RTN3: variants seen among roughly 807,000 people sequenced by gnomAD.
RTN3 encodes reticulon 3, also known as reticulon-3.
A neutral mutation model predicts 77.8 loss-of-function variants in RTN3; 49 were observed. The observed-to-expected ratio is 0.63, with a 90% confidence interval of 0.50 to 0.80. The LOEUF is 0.80. Among genes scored for constraint, RTN3 ranks in the 30% least tolerant of loss-of-function variants. The probability of loss-of-function intolerance (pLI) is 0.00; values close to 1 mark genes in which losing one functional copy is unlikely to be tolerated. For synonymous variants in RTN3, 464 were observed against 446.9 expected (o/e 1.04, Z -0.48); for missense variants, 1,236 against 1,211.9 (o/e 1.02, Z -0.29).
chr11:63,738,179 CTG>C (rs1188197374), intron 3 of RTN3, among the ~76,000 whole-genome samples: 1 of 152,152 alleles, frequency 6.6e-6, no homozygotes, highest in Non-Finnish European at 1.5e-5. Context: ...AAAAGCTTAA[CTG>C]TTTCCCCTTT....
chr11:63,726,555 CA>C (rs948545643), intron 3 of RTN3, among the ~76,000 whole-genome samples: 2 of 152,166 alleles, frequency 1.3e-5, no homozygotes, highest in African/African-American at 4.8e-5. Context: ...ATAAGCAGCA[CA>C]ACTAGAGATG....
upstream of RTN3, chr11:63,681,451 C>T (rs1034125960): frequency 5.7e-6 from 3 of 527,686 alleles, no homozygotes; most frequent in Middle Eastern, 5.3e-4. Flanking sequence ...CCTTTGTGCG[C>T]ATGCGCGCTC....
intron 1 of RTN3, among the ~76,000 whole-genome samples, chr11:63,692,359 C>G (rs886889364): frequency 6.6e-6 from 1 of 151,982 alleles, no homozygotes; most frequent in Admixed American, 6.6e-5. Context: ...CCCTCTACCT[C>G]GGGGTTTTAT....
intron 2 of RTN3, among the ~76,000 whole-genome samples, chr11:63,718,265 A>C (rs542124): frequency 1.3e-5 from 2 of 152,188 alleles, no homozygotes; most frequent in Admixed American, 1.3e-4. Flanking sequence ...TGTGCTCTGA[A>C]TTGTTCAGCT....
intron 6 of RTN3, 149 bp downstream of exon 6, chr11:63,753,287 G>GT: frequency 1.4e-6 from 1 of 703,020 alleles, no homozygotes; most frequent in Non-Finnish European, 2.4e-6. Flanking sequence ...AGGAACCGGA[G>GT]TTTGTGGTCA....
At chr11:63,718,598 A>T (rs1322192794) in intron 2 of RTN3, 104 bp from the exon 3 acceptor site, 5 of 703,762 alleles carry the variant, frequency 7.1e-6, no homozygotes, top group Non-Finnish European at 1.1e-5. Flanking sequence ...GTGTATATAT[A>T]TATTTATGTA....
Position 63,758,446 on chromosome 11 carries a change from T to G in RTN3, c.*245T>G. On this transcript the variant is annotated 3_prime_UTR_variant, in exon 9 of 9. Coordinates refer to ENST00000377819, the MANE Select transcript of RTN3 (RefSeq NM_001265589.2). ...GAAAGAATCAAATTCATAGGATAAG[T>G]CAATACCTTAATGGTGGTAGAGCCT... is the stretch of plus-strand genomic sequence containing the variant. 1 of 1,066,848 alleles carries G rather than the reference T, an allele frequency of 9.4e-7. No individual in the cohort carries two copies. The highest frequency in any genetic ancestry group is 1.3e-6 in the Non-Finnish European group (1 of 746,828). The allele number at this position is 1,066,848 out of a possible 1,614,324, so 66.1% of individuals were successfully genotyped here. A position where few individuals can be genotyped will look rare whatever the true frequency, so the allele number is the denominator to read the frequency against.
intron 7 of RTN3, among the ~76,000 whole-genome samples, chr11:63,754,517 G>A (rs1384872163): frequency 3.3e-5 from 5 of 152,052 alleles, no homozygotes; most frequent in Non-Finnish European, 5.9e-5. Context: ...TGGCTAACAC[G>A]GTGAAACCCC....
chr11:63,740,728 T>A (rs2013417790), intron 3 of RTN3, among the ~76,000 whole-genome samples: 1 of 152,066 alleles, frequency 6.6e-6, no homozygotes, highest in Non-Finnish European at 1.5e-5. Context: ...CACCTTTAAT[T>A]TCTTTGTATC....
In RTN3 at chr11:63,696,946, G is replaced by A. The variant is rs570766933; in HGVS notation, c.143-7905G>A. 4.7e-3 allele frequency among the ~76,000 whole-genome samples: 645 copies of A among 136,620 alleles called. 6 individuals carry two copies. Among genetic ancestry groups the A allele is most frequent in the African/African-American group, 0.016 (592 of 36,182 alleles). The allele number at this position is 136,620 out of a possible 152,430, so 89.6% of individuals were successfully genotyped here. A position where few individuals can be genotyped will look rare whatever the true frequency, so the allele number is the denominator to read the frequency against. On this transcript the variant is annotated intron_variant, in intron 1 of 8. Transcript: ENST00000377819. ...GTCGCCCAGGCTGGAGTGCAGTGGC[G>A]TGATCTTGGCTCACGGCAAACTCCG... is the stretch of plus-strand genomic sequence containing the variant.
intron 3 of RTN3, 54 bp downstream of exon 3, chr11:63,721,086 A>G (rs2011756576): frequency 2.1e-6 from 3 of 1,456,640 alleles, no homozygotes; most frequent in South Asian, 2.8e-5. Context: ...TTGATTACTT[A>G]TCAGCGTGCC....
chr11:63,706,979 C>A (rs934828915), intron 2 of RTN3, among the ~76,000 whole-genome samples: 3 of 151,476 alleles, frequency 2.0e-5, no homozygotes, highest in Non-Finnish European at 4.4e-5. Context: ...TCAGTGCAAC[C>A]TCCACCCAAG....
chr11:63,706,878 C>T (rs1457134865), intron 2 of RTN3, among the ~76,000 whole-genome samples: 2 of 150,540 alleles, frequency 1.3e-5, no homozygotes, highest in Non-Finnish European at 3.0e-5. Context: ...CCTTAAGTCA[C>T]TATTTTTTTT....
chr11:63,736,240 C>T (rs988582890), intron 3 of RTN3, among the ~76,000 whole-genome samples: 11 of 152,254 alleles, frequency 7.2e-5, no homozygotes, highest in Non-Finnish European at 1.0e-4. Context: ...AAGCTGCCTG[C>T]GGGTGCTAAC....
chr11:63,721,008 G>A lies in RTN3; in HGVS notation c.2506G>A (p.Ala836Thr), dbSNP rs147481469. Residue 836 changes from alanine to threonine, a missense_variant, in exon 3 of 9, where the codon GCA becomes ACA. Physicochemically the swap from Ala to Thr is moderately conservative, Grantham distance 58. Coordinates refer to ENST00000377819, the MANE Select transcript of RTN3 (RefSeq NM_001265589.2). The stretch of plus-strand genomic sequence containing the variant: ...TGAATTGGTAAAAAAGCATGTCCTA[G>A]CAAGACTTCTGACAGACTTCTCAGG... ...KTELVKKHVL[A>T]RLLTDFSVHD... is the part of the protein sequence containing the mutation. The A allele has an allele frequency of 1.4e-5, 22 of 1,602,270 alleles. No homozygotes were observed. In the African/African-American group the frequency reaches 2.4e-4, roughly 18 times the overall value.
At chr11:63,705,429 A>G (rs1942452449) in intron 2 of RTN3, among the ~76,000 whole-genome samples, 1 of 152,196 alleles carries the variant, frequency 6.6e-6, no homozygotes, top group Admixed American at 6.5e-5. Context: ...GCAGTGAGCG[A>G]TGATCGTGCC....
intron 1 of RTN3, among the ~76,000 whole-genome samples, chr11:63,689,850 C>G (rs1022883750): frequency 2.8e-4 from 42 of 152,050 alleles, no homozygotes; most frequent in African/African-American, 1.0e-3. Flanking sequence ...CTCCGCCCCC[C>G]GGGTTCAAGC....
At position 63,757,350 on chromosome 11, in the gene RTN3, T is replaced by G. The variant is rs182210099; in HGVS notation, c.3054-806T>G. On this transcript the variant is annotated intron_variant, in intron 8 of 8. Transcript: ENST00000377819. Reference sequence around the variant, plus strand: ...TTTTTTCTTTTTTCTTTTTTCTTTCTTTTTTGTTTTGCTTTCTAGAGACAG... The same window carrying G: ...TTTTTTCTTTTTTCTTTTTTCTTTCGTTTTTGTTTTGCTTTCTAGAGACAG... Among the ~76,000 whole-genome samples, 31 of 152,304 alleles carry G rather than the reference T, an allele frequency of 2.0e-4. No individual in the cohort carries two copies. The East Asian group carries it at 6.0e-3, about 29-fold the overall frequency.
chr11:63,759,813 A>G lies in RTN3; in HGVS notation c.*1612A>G, dbSNP rs1059763. ...GCGTGCAACATAAAAATACAGTAGCACCTAAGGAGCTTGAATCTTGGTTCC... is the reference window on the plus strand; with the variant it reads ...GCGTGCAACATAAAAATACAGTAGCGCCTAAGGAGCTTGAATCTTGGTTCC... On this transcript the variant is annotated 3_prime_UTR_variant, in exon 9 of 9. Transcript: ENST00000377819. 2 of 151,506 alleles carry G rather than the reference A, an allele frequency of 1.3e-5. No homozygotes were observed. The highest frequency in any genetic ancestry group is 4.9e-5 in the African/African-American group (2 of 41,118). 9.4% of individuals were successfully genotyped at this position (151,506 alleles called of 1,614,324 possible). A position where few individuals can be genotyped will look rare whatever the true frequency, so the allele number is the denominator to read the frequency against.
Sources: gnomAD v4.1 joint callset for allele counts (sites outside exome capture counted in the v4.1 genomes callset) on GRCh38, gnomAD v4.1.1 for gene constraint, MANE v1.5 for transcripts, NCBI Gene and HGNC (gene_info 2026-07-23, HGNC 2026-07-21) for gene names.